IGF1R: variants seen among roughly 807,000 people sequenced by gnomAD.
IGF1R encodes insulin-like growth factor 1 receptor.
IGF1R carries 44 observed loss-of-function variants against 144.6 expected under a neutral mutation model. The ratio of observed to expected loss-of-function variants is 0.30; its 90% CI spans 0.24 to 0.39. The LOEUF is 0.39. IGF1R is among the 10% of genes least tolerant of loss of function. The probability of loss-of-function intolerance (pLI) is 1.00; values close to 1 mark genes in which losing one functional copy is unlikely to be tolerated. For synonymous variants in IGF1R, 795 were observed against 722.8 expected (o/e 1.10, Z -1.60); for missense variants, 1,355 against 1,833.7 (o/e 0.74, Z 4.77).
intron 2 of IGF1R, among the ~76,000 whole-genome samples, chr15:98,710,554 A>G (rs1372150991): frequency 1.3e-5 from 2 of 152,166 alleles, no homozygotes; most frequent in African/African-American, 4.8e-5. Flanking sequence ...AAAACTCTGT[A>G]CACCATTTCA....
chr15:98,669,608 CT>C, intron 1 of IGF1R, among the ~76,000 whole-genome samples: 1 of 152,320 alleles, frequency 6.6e-6, no homozygotes, highest in South Asian at 2.1e-4. Context: ...ACATTGGGAC[CT>C]TTTGCTTCCA....
intron 1 of IGF1R, among the ~76,000 whole-genome samples, chr15:98,689,105 A>C (rs991063974): frequency 6.6e-6 from 1 of 152,182 alleles, no homozygotes; most frequent in Admixed American, 6.5e-5. Flanking sequence ...AAGCAGCATG[A>C]AATAGCAGTT....
chr15:98,955,382 G>A (rs2016937796), intron 20 of IGF1R, among the ~76,000 whole-genome samples: 1 of 152,190 alleles, frequency 6.6e-6, no homozygotes, highest in African/African-American at 2.4e-5. Context: ...TTCTTTTAAA[G>A]GGCGACGTGG....
chr15:98,651,541 C>T (rs1031741249), intron 1 of IGF1R, among the ~76,000 whole-genome samples: 7 of 152,198 alleles, frequency 4.6e-5, no homozygotes, highest in Non-Finnish European at 8.8e-5. Flanking sequence ...AACTGTATAG[C>T]TTCTCTAGTT....
chr15:98,830,482 C>T (rs1214351851), intron 2 of IGF1R, among the ~76,000 whole-genome samples: 1 of 151,980 alleles, frequency 6.6e-6, no homozygotes, highest in Non-Finnish European at 1.5e-5. Flanking sequence ...TCATCAGTGA[C>T]TATTGTAGTC....
chr15:98,769,863 T>TG (rs2055539463), intron 2 of IGF1R, among the ~76,000 whole-genome samples: 1 of 152,258 alleles, frequency 6.6e-6, no homozygotes, highest in Non-Finnish European at 1.5e-5. Context: ...ACATGGCACA[T>TG]GCTCAAAGAT....
chr15:98,715,469 C>A (rs2054091432), intron 2 of IGF1R, among the ~76,000 whole-genome samples: 3 of 152,162 alleles, frequency 2.0e-5, no homozygotes, highest in African/African-American at 7.2e-5. Context: ...ACCAGTTAAA[C>A]CTATTTGTAC....
intron 5 of IGF1R, among the ~76,000 whole-genome samples, chr15:98,901,608 G>T (rs1055547451): frequency 1.3e-5 from 2 of 152,204 alleles, no homozygotes; most frequent in Non-Finnish European, 2.9e-5. Context: ...GAGTCAGAGC[G>T]AGAAAGAGAA....
intron 1 of IGF1R, among the ~76,000 whole-genome samples, chr15:98,680,093 A>G (rs2053151953): frequency 6.6e-6 from 1 of 152,202 alleles, no homozygotes; most frequent in South Asian, 2.1e-4. Flanking sequence ...TATTGAAGAA[A>G]GAAATTTTTA....
chr15:98,774,374 A>C (rs941722594), intron 2 of IGF1R, among the ~76,000 whole-genome samples: 18 of 152,240 alleles, frequency 1.2e-4, no homozygotes, highest in African/African-American at 3.9e-4. Flanking sequence ...AAAAGACTGA[A>C]GGATGTGTTT....
rs2017184234 is a variant in IGF1R, at chr15:98,960,595, C to G, written c.*3153C>G. On this transcript the variant is annotated 3_prime_UTR_variant, in exon 21 of 21. Coordinates refer to ENST00000650285, the MANE Select transcript of IGF1R (RefSeq NM_000875.5). ...GGCATTGGGTTTGCTCCCCTTGCTG[C>G]TGCTCCATCCCTGCAGGAGGCTCGC... The G allele has an allele frequency of 4.3e-6, 1 of 233,480 alleles. No homozygotes were observed. The highest frequency in any genetic ancestry group is 1.8e-4 in the South Asian group (1 of 5,536). The allele number at this position is 233,480 out of a possible 1,614,324, so 14.5% of individuals were successfully genotyped here.
intron 1 of IGF1R, among the ~76,000 whole-genome samples, chr15:98,691,393 C>G (rs1596192248): frequency 6.9e-6 from 1 of 145,122 alleles, no homozygotes; most frequent in Admixed American, 7.0e-5. Context: ...GAGACAGAGT[C>G]TCACTCGTCT....
At chr15:98,827,600 TGTG>T (rs1372858174) in intron 2 of IGF1R, among the ~76,000 whole-genome samples, 1 of 152,232 alleles carries the variant, frequency 6.6e-6, no homozygotes, top group Non-Finnish European at 1.5e-5. Context: ...GCTGATTAAA[TGTG>T]GTCATTTAAA....
intron 2 of IGF1R, among the ~76,000 whole-genome samples, chr15:98,819,356 T>C (rs1033982620): frequency 1.3e-5 from 2 of 152,220 alleles, no homozygotes; most frequent in African/African-American, 4.8e-5. Context: ...CATTGAAACC[T>C]AATCACCATG....
At chr15:98,689,187 T>C (rs940443830) in intron 1 of IGF1R, among the ~76,000 whole-genome samples, 2 of 151,964 alleles carry the variant, frequency 1.3e-5, no homozygotes, top group African/African-American at 4.8e-5. Flanking sequence ...GGTTGGTTGG[T>C]TTTTGGCGTC....
intron 14 of IGF1R, 27 bp from the exon 15 acceptor site, chr15:98,930,208 T>G: frequency 6.4e-7 from 1 of 1,565,468 alleles, no homozygotes; most frequent in East Asian, 2.2e-5. Context: ...TGGGGTTTTG[T>G]TAACGTGAAT....
At chr15:98,914,300 C>T (rs896370464) in intron 8 of IGF1R, among the ~76,000 whole-genome samples, 1 of 152,234 alleles carries the variant, frequency 6.6e-6, no homozygotes, top group African/African-American at 2.4e-5. Context: ...CTCTATAGCA[C>T]TGATAAACAT....
intron 1 of IGF1R, among the ~76,000 whole-genome samples, chr15:98,673,014 A>G (rs557117095): frequency 1.3e-5 from 2 of 151,692 alleles, no homozygotes; most frequent in African/African-American, 2.4e-5. Flanking sequence ...ACTTTTTTTT[A>G]AAAAAATGAG....
At chr15:98,656,925 T>C (rs2052499523) in intron 1 of IGF1R, among the ~76,000 whole-genome samples, 1 of 152,232 alleles carries the variant, frequency 6.6e-6, no homozygotes. Context: ...TTGGAATTAT[T>C]TGTCAGTTTA....
Sources: allele counts gnomAD v4.1 joint callset (sites outside exome capture counted in the v4.1 genomes callset), GRCh38; gene constraint gnomAD v4.1.1; transcripts MANE v1.5; gene names NCBI Gene and HGNC (gene_info 2026-07-23, HGNC 2026-07-21).